GRIA2: variants seen among roughly 807,000 people sequenced by gnomAD.
GRIA2 encodes the protein glutamate receptor 2.
A neutral mutation model predicts 97.3 loss-of-function variants in GRIA2; 14 were observed. The ratio of observed to expected loss-of-function variants is 0.14; its 90% confidence interval spans 0.10 to 0.23. The LOEUF (loss-of-function observed/expected upper bound fraction) is 0.23, where lower values mean the gene tolerates loss of function less well. Ranked by LOEUF, GRIA2 falls within the 10% of genes least tolerant of loss-of-function variation. The pLI, the probability that GRIA2 is intolerant of heterozygous loss-of-function variation, is 1.00. For synonymous variants in GRIA2, 412 were observed against 387.8 expected, an observed-to-expected ratio of 1.06 and a Z score of -0.73; for missense variants, 558 against 1,069.8, an observed-to-expected ratio of 0.52 and a Z score of 6.67.
chr4:157,310,351 G>A (rs1452934203), intron 3 of GRIA2, among the ~76,000 whole-genome samples: 4 of 152,104 alleles, frequency 2.6e-5, no homozygotes, highest in Admixed American at 2.6e-4. Flanking sequence ...CAGAAAAAAA[G>A]TTAACTTTTT....
intron 2 of GRIA2, among the ~76,000 whole-genome samples, chr4:157,243,737 G>A (rs1579299022): frequency 6.6e-6 from 1 of 152,190 alleles, no homozygotes; most frequent in East Asian, 1.9e-4. Context: ...GTATGTACCT[G>A]TGCCTAATTG....
intron 2 of GRIA2, among the ~76,000 whole-genome samples, chr4:157,263,786 G>C (rs923841682): frequency 6.6e-5 from 10 of 152,050 alleles, no homozygotes; most frequent in Non-Finnish European, 7.4e-5. Context: ...TTTGTCCAAT[G>C]AGGAGTCAGG....
intron 6 of GRIA2, among the ~76,000 whole-genome samples, chr4:157,330,550 T>C (rs1735004159): frequency 1.3e-5 from 2 of 151,900 alleles, no homozygotes; most frequent in African/African-American, 4.8e-5. Flanking sequence ...CATTCTCCCC[T>C]TTTTTGGTGT....
At chr4:157,323,128 G>A (rs926841290) in intron 6 of GRIA2, among the ~76,000 whole-genome samples, 1 of 151,878 alleles carries the variant, frequency 6.6e-6, no homozygotes. Context: ...GTGGTCAGGA[G>A]ATCGAGACCA....
At chr4:157,259,532 T>C (rs1286522121) in intron 2 of GRIA2, among the ~76,000 whole-genome samples, 1 of 152,154 alleles carries the variant, frequency 6.6e-6, no homozygotes, top group Non-Finnish European at 1.5e-5. Context: ...TCACAGATGA[T>C]ATGAACTTTA....
At chr4:157,252,066 C>T (rs1181263083) in intron 2 of GRIA2, among the ~76,000 whole-genome samples, 1 of 152,130 alleles carries the variant, frequency 6.6e-6, no homozygotes, top group East Asian at 1.9e-4. Context: ...GCCACACACT[C>T]ACAAAAAATC....
At chr4:157,270,509 G>A (rs1731969756) in intron 2 of GRIA2, among the ~76,000 whole-genome samples, 1 of 152,062 alleles carries the variant, frequency 6.6e-6, no homozygotes. Flanking sequence ...ATATTTATGA[G>A]CAAACAGCTC....
intron 6 of GRIA2, among the ~76,000 whole-genome samples, chr4:157,328,325 C>T (rs994212489): frequency 5.3e-5 from 8 of 152,026 alleles, no homozygotes; most frequent in Non-Finnish European, 1.0e-4. Context: ...CTCAATAAAA[C>T]ATTGTTAACA....
intron 2 of GRIA2, among the ~76,000 whole-genome samples, chr4:157,241,814 T>C (rs1329390207): frequency 2.6e-5 from 4 of 151,990 alleles, no homozygotes; most frequent in African/African-American, 7.2e-5. Context: ...TAGAGCATCA[T>C]TGGAAGAAAA....
intron 2 of GRIA2, among the ~76,000 whole-genome samples, chr4:157,269,671 A>C (rs946452442): frequency 3.9e-5 from 6 of 152,226 alleles, no homozygotes; most frequent in South Asian, 2.1e-4. Flanking sequence ...TAGGTGTTTC[A>C]TCATTTAACA....
intron 2 of GRIA2, among the ~76,000 whole-genome samples, chr4:157,257,193 C>A (rs375806194): frequency 1.3e-5 from 2 of 152,020 alleles, no homozygotes; most frequent in Non-Finnish European, 2.9e-5. Flanking sequence ...GTGTCACCTT[C>A]GAGAAAGCTG....
intron 2 of GRIA2, among the ~76,000 whole-genome samples, chr4:157,241,911 AG>A (rs1730529451): frequency 6.6e-6 from 1 of 152,102 alleles, no homozygotes; most frequent in African/African-American, 2.4e-5. Context: ...AGAACAACTT[AG>A]GCAATGGCAT....
Position 157,332,982 on chromosome 4 carries a change from A to G in GRIA2, c.1046A>G (p.Lys349Arg). ...GGTGTAGAAATAGAAAGGGCCCTCAAACAGGTCAGTTACTCAAAATAATCG... is the reference window on the plus strand; with the variant it reads ...GGTGTAGAAATAGAAAGGGCCCTCAGACAGGTCAGTTACTCAAAATAATCG... ...GQGVEIERAL[K>R]QVQVEGLSGN... is the part of the protein sequence containing the mutation. The change falls in exon 7 of 16, where the codon AAA becomes AGA. Residue 349 changes from lysine to arginine, a missense_variant. Coordinates refer to ENST00000264426, the MANE Select transcript of GRIA2 (RefSeq NM_001083619.3). 6.2e-7 allele frequency: 1 copy of G among 1,601,930 alleles called. No homozygotes were observed.
chr4:157,356,013 ATATATATT>A (rs1560781468), intron 12 of GRIA2, among the ~76,000 whole-genome samples: 1 of 106,124 alleles, frequency 9.4e-6, no homozygotes, highest in Non-Finnish European at 1.7e-5. Flanking sequence ...ATATGTATTT[ATATATATT>A]TATATATTTA....
intron 6 of GRIA2, among the ~76,000 whole-genome samples, chr4:157,322,461 G>C (rs917424607): frequency 6.6e-6 from 1 of 151,772 alleles, no homozygotes; most frequent in African/African-American, 2.4e-5. Context: ...ACTGATCTTT[G>C]TTCTCCATGG....
chr4:157,296,745 T>A (rs895593079), intron 2 of GRIA2, among the ~76,000 whole-genome samples: 3 of 152,092 alleles, frequency 2.0e-5, no homozygotes, highest in African/African-American at 7.2e-5. Context: ...AGGATCATAT[T>A]CAGTTGATGG....
Position 157,361,191 on chromosome 4 carries a change from G to A in GRIA2, c.2406+67G>A. On this transcript the variant is annotated intron_variant, in intron 14 of 15. Coordinates refer to ENST00000264426, the MANE Select transcript of GRIA2 (RefSeq NM_001083619.3). This position sits in a 1 kb window ranked among gnomAD's most constrained non-coding sequence, Gnocchi z 5.2. ...ACAAAGTAAGCAGCAGCTATGCACA[G>A]TGTGGGCACTCCGTGCCACCAAGTT... 5 of 1,229,054 alleles carry A rather than the reference G, an allele frequency of 4.1e-6. No individual in the cohort carries two copies. The Admixed American group carries it at 7.3e-5, about 18-fold the overall frequency. 76.1% of individuals were successfully genotyped at this position (1,229,054 alleles called of 1,614,324 possible).
At chr4:157,265,535 T>C (rs1731732363) in intron 2 of GRIA2, among the ~76,000 whole-genome samples, 1 of 152,118 alleles carries the variant, frequency 6.6e-6, no homozygotes, top group Non-Finnish European at 1.5e-5. Context: ...AAACACATGC[T>C]GCCAGTCTTT....
chr4:157,348,251 G>T (rs1274130273), intron 12 of GRIA2, among the ~76,000 whole-genome samples: 2 of 152,058 alleles, frequency 1.3e-5, no homozygotes, highest in Non-Finnish European at 2.9e-5. Flanking sequence ...ATAGGGAAAT[G>T]ATCTTTTGTT....
Sources: gnomAD v4.1 joint callset for allele counts (sites outside exome capture counted in the v4.1 genomes callset) on GRCh38, gnomAD v4.1.1 for gene constraint, Gnocchi (gnomAD v3.1) non-coding constraint, MANE v1.5 for transcripts, NCBI Gene and HGNC (gene_info 2026-07-23, HGNC 2026-07-21) for gene names.